The following VAC14 variants were observed in gnomAD, a reference collection of about 807,000 sequenced individuals.
VAC14 encodes the protein VAC14 component of PIKFYVE complex.
Under a neutral mutation model 85.3 loss-of-function variants are expected in VAC14, and 47 were observed. The ratio of observed to expected loss-of-function variants is 0.55; its 90% CI spans 0.44 to 0.70. The LOEUF is 0.70. Among genes scored for constraint, VAC14 ranks in the 30% least tolerant of loss-of-function variants. The pLI is 0.00. For missense variants in VAC14, 861 were observed against 1,004.3 expected, an observed-to-expected ratio of 0.86 and a Z score of 1.93; for synonymous variants, 447 against 430.5, an observed-to-expected ratio of 1.04 and a Z score of -0.47.
intron 10 of VAC14, among the ~76,000 whole-genome samples, chr16:70,767,996 C>T (rs1165218285): frequency 6.6e-6 from 1 of 152,098 alleles, no homozygotes; most frequent in Admixed American, 6.5e-5. Flanking sequence ...CTGATCCTTC[C>T]AACTCAGCCT....
At chr16:70,738,111 A>G (rs769508797) in intron 13 of VAC14, among the ~76,000 whole-genome samples, 5 of 152,236 alleles carry the variant, frequency 3.3e-5, no homozygotes, top group Non-Finnish European at 5.9e-5. Context: ...GAAGTGGTCC[A>G]CAGAAGGGGT....
At chr16:70,690,807 C>T in intron 18 of VAC14, 4 of 985,592 alleles carry the variant, frequency 4.1e-6, no homozygotes, top group Non-Finnish European at 3.6e-6. Flanking sequence ...AGTCCCCTGG[C>T]ATGCCCACTG....
intron 12 of VAC14, 175 bp from the exon 13 acceptor site, chr16:70,744,754 A>G (rs2030707056): frequency 1.5e-6 from 1 of 659,834 alleles, no homozygotes; most frequent in South Asian, 2.3e-5. Flanking sequence ...GAAAAGTGAA[A>G]CAAAGTATCC....
intron 1 of VAC14, among the ~76,000 whole-genome samples, chr16:70,791,552 T>C (rs1239361983): frequency 2.6e-5 from 4 of 152,098 alleles, no homozygotes; most frequent in Non-Finnish European, 5.9e-5. Context: ...GCCTGGCTAA[T>C]TTTTTCTATT....
chr16:70,698,880 G>T, intron 14 of VAC14, 69 bp from the exon 15 acceptor site: 2 of 1,499,794 alleles, frequency 1.3e-6, no homozygotes, highest in Non-Finnish European at 1.8e-6. Context: ...AGCCTGGGAG[G>T]CCTCCTCTTG....
chr16:70,738,811 C>A (rs959842721), intron 13 of VAC14, among the ~76,000 whole-genome samples: 16 of 152,226 alleles, frequency 1.1e-4, no homozygotes, highest in Non-Finnish European at 2.1e-4. Flanking sequence ...GCCTGTGTGG[C>A]CTGCCATGAC....
At chr16:70,722,619 C>T (rs901937247) in intron 14 of VAC14, among the ~76,000 whole-genome samples, 1 of 152,132 alleles carries the variant, frequency 6.6e-6, no homozygotes, top group Non-Finnish European at 1.5e-5. Context: ...TCCTGAGAAA[C>T]GCATTCTACA....
intron 17 of VAC14, among the ~76,000 whole-genome samples, 157 bp downstream of exon 17, chr16:70,695,387 T>C (rs1468443688): frequency 6.6e-6 from 1 of 152,124 alleles, no homozygotes; most frequent in Non-Finnish European, 1.5e-5. Context: ...GCTGGGATTA[T>C]AAGTCTCACA....
At chr16:70,781,453 G>A (rs2033805183) in intron 8 of VAC14, among the ~76,000 whole-genome samples, 1 of 152,174 alleles carries the variant, frequency 6.6e-6, no homozygotes. Flanking sequence ...AGTCGTCTCA[G>A]GGCTACGTTA....
At chr16:70,719,094 T>C (rs1229658158) in intron 14 of VAC14, among the ~76,000 whole-genome samples, 2 of 152,194 alleles carry the variant, frequency 1.3e-5, no homozygotes, top group Non-Finnish European at 2.9e-5. Flanking sequence ...CAGAAGCCCC[T>C]TGGATTCTGG....
At chr16:70,690,900 T>C (rs1597843200) in intron 18 of VAC14, 1 of 985,168 alleles carries the variant, frequency 1.0e-6, no homozygotes, top group Non-Finnish European at 1.2e-6. Context: ...GGCTAGGGGG[T>C]GTCTCACACA....
chr16:70,735,816 G>A (rs1439650481), intron 13 of VAC14, among the ~76,000 whole-genome samples: 2 of 152,258 alleles, frequency 1.3e-5, no homozygotes, highest in Non-Finnish European at 2.9e-5. Flanking sequence ...GCCTGGCTTG[G>A]GAGGTCCTGA....
intron 12 of VAC14, among the ~76,000 whole-genome samples, chr16:70,752,243 A>G (rs1259392337): frequency 6.6e-6 from 1 of 152,212 alleles, no homozygotes; most frequent in Non-Finnish European, 1.5e-5. Context: ...GTTAGGTTCC[A>G]CTGATTAACA....
rs566725991 is a variant in VAC14 at position 70,694,217 on chromosome 16, A to C, written c.2036-1246T>G. ...GGAGTTCCTCCAGGGTCAGGGAGGG[A>C]GGGCAGTCATCCTAGGGATGCTTCT... is the stretch of plus-strand genomic sequence containing the variant. On this transcript the variant is annotated intron_variant, in intron 17 of 18. Coordinates refer to ENST00000261776, the MANE Select transcript of VAC14 (RefSeq NM_018052.5). Among the ~76,000 whole-genome samples, 4 of 152,126 alleles carry C rather than the reference A, an allele frequency of 2.6e-5. No homozygotes were observed. In the South Asian group the frequency reaches 6.2e-4, roughly 24 times the overall value.
At chr16:70,705,971 G>T (rs1057236652) in intron 14 of VAC14, among the ~76,000 whole-genome samples, 1 of 152,184 alleles carries the variant, frequency 6.6e-6, no homozygotes, top group Non-Finnish European at 1.5e-5. Context: ...ACAGATACAG[G>T]AAGGTCTCCT....
chr16:70,711,029 C>T (rs2054022033), intron 14 of VAC14, among the ~76,000 whole-genome samples: 2 of 152,228 alleles, frequency 1.3e-5, no homozygotes, highest in Admixed American at 6.5e-5. Context: ...TTCAGCTCCA[C>T]GTCCCTCAGC....
At chr16:70,782,487 C>A (rs1219148092) in intron 7 of VAC14, among the ~76,000 whole-genome samples, 1 of 152,230 alleles carries the variant, frequency 6.6e-6, no homozygotes, top group Non-Finnish European at 1.5e-5. Flanking sequence ...CCCCCATGGT[C>A]CCGGCATGAC....
intron 12 of VAC14, among the ~76,000 whole-genome samples, chr16:70,753,380 G>A (rs1475687086): frequency 6.6e-6 from 1 of 152,186 alleles, no homozygotes; most frequent in Non-Finnish European, 1.5e-5. Context: ...ACAGGGAGGT[G>A]CCTGGGAAAT....
At chr16:70,769,007 G>A (rs1319954241) in intron 10 of VAC14, 2 of 274,806 alleles carry the variant, frequency 7.3e-6, no homozygotes, top group Non-Finnish European at 1.4e-5. Flanking sequence ...GTAGAGATGG[G>A]GTTTCACCAT....
Sources: allele counts gnomAD v4.1 joint callset (sites outside exome capture counted in the v4.1 genomes callset), GRCh38; gene constraint gnomAD v4.1.1; transcripts MANE v1.5; gene names NCBI Gene and HGNC (gene_info 2026-07-23, HGNC 2026-07-21).